ATP8A2: variants seen among roughly 807,000 people sequenced by gnomAD.
ATP8A2 encodes ATPase phospholipid transporting 8A2.
ATP8A2 carries 100 observed loss-of-function variants against 165.6 expected under a neutral mutation model. The observed-to-expected ratio is 0.60, with a 90% CI of 0.51 to 0.71. ATP8A2 has a LOEUF of 0.71. ATP8A2 is among the 30% of genes least tolerant of loss of function. ATP8A2 has a pLI of 0.00. For missense variants in ATP8A2, 1,227 were observed against 1,479.5 expected (o/e 0.83, Z 2.80); for synonymous variants, 543 against 548.8 (o/e 0.99, Z 0.15).
rs535753195 is a variant in ATP8A2 at position 25,765,103 on chromosome 13, G to A, written c.2385-3943G>A. On this transcript the variant is annotated intron_variant, in intron 25 of 36. Transcript: ENST00000381655. ...TAGAGAGCTAGTTTTTAAATTTCAG[G>A]GACATGTGTCCCATAAAATGAGATA... Among the ~76,000 whole-genome samples, 18 of 152,242 alleles carry A rather than the reference G, an allele frequency of 1.2e-4. No individual in the cohort carries two copies. In the South Asian group the frequency reaches 3.7e-3, roughly 32 times the overall value.
chr13:25,432,483 G>A (rs1004809269), intron 1 of ATP8A2, among the ~76,000 whole-genome samples: 6 of 152,192 alleles, frequency 3.9e-5, no homozygotes, highest in Non-Finnish European at 5.9e-5. Flanking sequence ...CGGAGTGAGC[G>A]TTTTCTTCTG....
intron 25 of ATP8A2, among the ~76,000 whole-genome samples, chr13:25,733,477 A>T (rs1006167124): frequency 6.6e-6 from 1 of 151,850 alleles, no homozygotes; most frequent in Non-Finnish European, 1.5e-5. Context: ...CTCTGTGTAC[A>T]TTTTTTGCAA....
chr13:25,858,555 G>A (rs868148315), intron 30 of ATP8A2, among the ~76,000 whole-genome samples: 2 of 152,098 alleles, frequency 1.3e-5, no homozygotes, highest in Admixed American at 6.5e-5. Context: ...GGCTGGATTC[G>A]GAGACCCATG....
intron 2 of ATP8A2, among the ~76,000 whole-genome samples, chr13:25,479,843 G>T (rs1411146590): frequency 3.4e-4 from 52 of 151,768 alleles, no homozygotes; most frequent in African/African-American, 1.2e-3. Context: ...CAAGGCAGAA[G>T]AATTTTTCTT....
intron 2 of ATP8A2, among the ~76,000 whole-genome samples, chr13:25,511,890 C>CT (rs34703609): frequency 0.066 from 9,315 of 140,620 alleles, 384 homozygotes; most frequent in South Asian, 0.14. Flanking sequence ...CTGTGGAACT[C>CT]TTTTTTTTTT....
chr13:25,688,875 A>T (rs9578901), intron 24 of ATP8A2, among the ~76,000 whole-genome samples: 2 of 149,316 alleles, frequency 1.3e-5, no homozygotes, highest in East Asian at 2.0e-4. Flanking sequence ...TTTTCGTCCT[A>T]TGGCTATGAT....
In ATP8A2 at chr13:25,579,923, A is replaced by C. The variant is rs2039726459; in HGVS notation, c.1983A>C (p.Glu661Asp). The C allele has an allele frequency of 6.2e-7, 1 of 1,613,938 alleles. No homozygotes were observed. The change falls in exon 22 of 37, where the codon GAA (glutamate) becomes GAC (aspartate). Residue 661 changes from glutamate (E) to aspartate (D), a missense_variant. Around this residue, in one of 5 missense-constraint regions of ATP8A2, gnomAD observed 592 missense variants for 785.6 expected, o/e 0.75. Coordinates refer to ENST00000381655, the MANE Select transcript of ATP8A2 (RefSeq NM_016529.6). The part of the protein sequence containing the change: ...TILKDRAQRL[E>D]ECYEIIEKNL... ...TGAAGGACAGAGCTCAACGGTTGGAAGAGTGTTACGAGATCATTGAGAAGG... is the reference window on the plus strand; with the variant it reads ...TGAAGGACAGAGCTCAACGGTTGGACGAGTGTTACGAGATCATTGAGAAGG...
At chr13:25,505,326 C>T (rs777526230) in intron 2 of ATP8A2, among the ~76,000 whole-genome samples, 2 of 151,908 alleles carry the variant, frequency 1.3e-5, no homozygotes, top group South Asian at 2.1e-4. Flanking sequence ...CCACATAAAC[C>T]CCCTTGATTT....
At chr13:25,998,763 T>G (rs1593693949) in intron 35 of ATP8A2, among the ~76,000 whole-genome samples, 2 of 152,082 alleles carry the variant, frequency 1.3e-5, no homozygotes, top group Non-Finnish European at 2.9e-5. Context: ...TGTATTAGGG[T>G]TAGTTAACCT....
At chr13:25,948,351 G>A (rs1438630066) in intron 33 of ATP8A2, among the ~76,000 whole-genome samples, 1 of 152,124 alleles carries the variant, frequency 6.6e-6, no homozygotes, top group East Asian at 1.9e-4. Flanking sequence ...TAGGTAACAT[G>A]TATGGCATTT....
intron 24 of ATP8A2, among the ~76,000 whole-genome samples, chr13:25,677,070 C>G (rs894679122): frequency 6.6e-6 from 1 of 152,144 alleles, no homozygotes; most frequent in African/African-American, 2.4e-5. Context: ...TGCTAAATGC[C>G]CTGCACACCA....
intron 33 of ATP8A2, among the ~76,000 whole-genome samples, chr13:25,919,214 T>G (rs1954364327): frequency 6.6e-6 from 1 of 152,208 alleles, no homozygotes; most frequent in Non-Finnish European, 1.5e-5. Context: ...AGCCCACAGT[T>G]AAGACTCAGA....
chr13:25,521,811 A>G (rs1372065914), intron 2 of ATP8A2, among the ~76,000 whole-genome samples: 3 of 151,984 alleles, frequency 2.0e-5, no homozygotes, highest in Admixed American at 6.6e-5. Context: ...TGGCTTCTCT[A>G]TTCTGTTCCA....
chr13:25,998,434 G>A (rs937728180), intron 35 of ATP8A2, among the ~76,000 whole-genome samples: 8 of 152,120 alleles, frequency 5.3e-5, no homozygotes, highest in Non-Finnish European at 1.2e-4. Context: ...GGGGGTGAGG[G>A]GGCCACCTTT....
At chr13:25,514,038 A>G (rs964370004) in intron 2 of ATP8A2, among the ~76,000 whole-genome samples, 2 of 150,138 alleles carry the variant, frequency 1.3e-5, no homozygotes, top group African/African-American at 4.9e-5. Context: ...GACTCTTAAT[A>G]GTTGGATATT....
intron 27 of ATP8A2, among the ~76,000 whole-genome samples, chr13:25,823,109 G>C (rs1028727058): frequency 6.6e-6 from 1 of 152,206 alleles, no homozygotes; most frequent in Non-Finnish European, 1.5e-5. Flanking sequence ...TAGCTGACTG[G>C]AGGAGATGCA....
At chr13:25,961,738 C>A in intron 34 of ATP8A2, 75 bp downstream of exon 34, 2 of 1,118,206 alleles carry the variant, frequency 1.8e-6, no homozygotes, top group Non-Finnish European at 2.7e-6. Context: ...ATGAGTCCTG[C>A]TACAGGGTAT....
At chr13:25,820,165 G>A (rs888200082) in intron 27 of ATP8A2, among the ~76,000 whole-genome samples, 4 of 152,224 alleles carry the variant, frequency 2.6e-5, no homozygotes, top group African/African-American at 7.2e-5. Context: ...GTCCAGACAG[G>A]AGCCTGTGCA....
At chr13:25,934,016 T>G (rs1215788605) in intron 33 of ATP8A2, among the ~76,000 whole-genome samples, 1 of 152,192 alleles carries the variant, frequency 6.6e-6, no homozygotes, top group Non-Finnish European at 1.5e-5. Context: ...TGCTTGTAGC[T>G]AACCAGCTCC....
Sources: gnomAD v4.1 joint callset for allele counts (sites outside exome capture counted in the v4.1 genomes callset) on GRCh38, gnomAD v4.1.1 for gene constraint, gnomAD v4.1.1 regional missense constraint, MANE v1.5 for transcripts, NCBI Gene and HGNC (gene_info 2026-07-23, HGNC 2026-07-21) for gene names.